The following EXT2 variants were observed in gnomAD, a reference collection of about 807,000 sequenced individuals.
EXT2 encodes exostosin glycosyltransferase 2.
A neutral mutation model predicts 81.6 loss-of-function variants in EXT2; 53 were observed. That is an observed-to-expected ratio of 0.65 (90% confidence interval 0.52 to 0.82). The LOEUF is 0.82. Ranked by LOEUF, EXT2 falls within the 40% of genes least tolerant of loss-of-function variation. The probability of loss-of-function intolerance (pLI) is 0.00; values close to 1 mark genes in which losing one functional copy is unlikely to be tolerated. For synonymous variants in EXT2, 320 were observed against 340.0 expected (o/e 0.94, Z 0.65); for missense variants, 774 against 910.2 (o/e 0.85, Z 1.93).
chr11:44,188,096 T>C (rs964120835), intron 8 of EXT2, among the ~76,000 whole-genome samples: 3 of 152,192 alleles, frequency 2.0e-5, no homozygotes, highest in African/African-American at 7.2e-5. Context: ...AACTAAAATA[T>C]TGAATGAAGT....
Position 44,244,413 on chromosome 11 carries a change from C to T in EXT2, c.*126C>T. 3 of 994,868 alleles carry T rather than the reference C, an allele frequency of 3.0e-6. No homozygotes were observed. Among genetic ancestry groups the T allele is most frequent in the Non-Finnish European group, 4.7e-6 (3 of 640,336 alleles). 61.6% of individuals were successfully genotyped at this position (994,868 alleles called of 1,614,324 possible). A position where few individuals can be genotyped will look rare whatever the true frequency, so the allele number is the denominator to read the frequency against. ...GTTGACCTACTTGGATCTTGGCATG[C>T]ACCCACCTAACCCACTTTCTCAAGA... On this transcript the variant is annotated 3_prime_UTR_variant, in exon 14 of 14. Transcript: ENST00000533608.
At position 44,228,541 on chromosome 11, in the gene EXT2, C is replaced by T. The variant is rs144500237; in HGVS notation, c.1663-3812C>T. Among the ~76,000 whole-genome samples, 15 of 152,252 alleles carry T rather than the reference C, an allele frequency of 9.9e-5. No homozygotes were observed. In the East Asian group the frequency reaches 2.3e-3, roughly 24 times the overall value. On this transcript the variant is annotated intron_variant, in intron 10 of 13. Transcript: ENST00000533608. ...GGGCCCATCCCATTCTGTTTCACTC[C>T]GTTTTGATCCTGTAGTCAGCTGCAG...
At chr11:44,163,199 G>A (rs1333704879) in intron 7 of EXT2, among the ~76,000 whole-genome samples, 1 of 152,036 alleles carries the variant, frequency 6.6e-6, no homozygotes, top group African/African-American at 2.4e-5. Flanking sequence ...TTTTTCCCTC[G>A]AATTTTAAGT....
In EXT2 at chr11:44,108,174, T is replaced by C; in HGVS notation, c.462T>C (p.Val154=). ...TDDINRACLF[V]PSIDVLNQNT... is the part of the protein sequence containing the mutation. ...ACATCAACCGGGCCTGTCTGTTTGT[T>C]CCCTCCATCGATGTGCTTAACCAGA... The change falls in exon 2 of 14, where the codon GTT becomes GTC. Residue 154 remains valine, a synonymous_variant. Transcript: ENST00000533608. The C allele has an allele frequency of 1.2e-6, 2 of 1,613,950 alleles. No homozygotes were observed. The highest frequency in any genetic ancestry group is 1.7e-6 in the Non-Finnish European group (2 of 1,180,002).
At chr11:44,144,145 G>A (rs752396405) in intron 7 of EXT2, 35 of 961,382 alleles carry the variant, frequency 3.6e-5, no homozygotes, top group Non-Finnish European at 4.8e-5. Context: ...GGAAAATCTC[G>A]CCCCAGGCAG....
chr11:44,153,442 C>A (rs1477876444), intron 7 of EXT2, among the ~76,000 whole-genome samples: 3 of 152,004 alleles, frequency 2.0e-5, no homozygotes, highest in African/African-American at 4.8e-5. Context: ...TCTATATAAA[C>A]AATCATGTTA....
At chr11:44,216,360 CA>C (rs1296553277) in intron 10 of EXT2, among the ~76,000 whole-genome samples, 2 of 152,162 alleles carry the variant, frequency 1.3e-5, no homozygotes, top group Non-Finnish European at 2.9e-5. Flanking sequence ...GGAAAAGTAC[CA>C]AACTTCAATG....
intron 10 of EXT2, among the ~76,000 whole-genome samples, chr11:44,208,925 A>G (rs1955615256): frequency 6.6e-6 from 1 of 152,342 alleles, no homozygotes; most frequent in South Asian, 2.1e-4. Context: ...AGCCATCAGC[A>G]TATCTTTTGC....
At chr11:44,109,368 A>G (rs1808784931) in intron 3 of EXT2, 85 bp downstream of exon 3, 2 of 1,159,074 alleles carry the variant, frequency 1.7e-6, no homozygotes, top group Non-Finnish European at 2.6e-6. Context: ...TCTACCACAT[A>G]CTTTGTAATC....
rs1049957322 is a variant in EXT2, at chr11:44,097,428, G to C, written c.-31+1576G>C. ...CTTATATTTGGTTCCTCTGTTTTTCGGAATGGTTGGGTTAAGATCCAGTGT... is the reference window on the plus strand; with the variant it reads ...CTTATATTTGGTTCCTCTGTTTTTCCGAATGGTTGGGTTAAGATCCAGTGT... On this transcript the variant is annotated intron_variant, in intron 1 of 13. Coordinates refer to ENST00000533608, the MANE Select transcript of EXT2 (RefSeq NM_207122.2). Among the ~76,000 whole-genome samples, 3 of 152,128 alleles carry C rather than the reference G, an allele frequency of 2.0e-5. No homozygotes were observed. The East Asian group carries it at 5.8e-4, about 29-fold the overall frequency.
chr11:44,128,292 G>A (rs1954438900), intron 6 of EXT2, among the ~76,000 whole-genome samples: 1 of 152,088 alleles, frequency 6.6e-6, no homozygotes, highest in African/African-American at 2.4e-5. Context: ...TATGCACAGG[G>A]GACCATGGAA....
chr11:44,141,122 T>A (rs1565209561), intron 7 of EXT2, among the ~76,000 whole-genome samples: 4 of 152,194 alleles, frequency 2.6e-5, no homozygotes, highest in Admixed American at 2.6e-4. Flanking sequence ...GATGCTCAAG[T>A]CTCTGCTACA....
intron 13 of EXT2, 102 bp downstream of exon 13, chr11:44,236,477 G>A: frequency 9.5e-7 from 1 of 1,054,652 alleles, no homozygotes; most frequent in Non-Finnish European, 1.4e-6. Flanking sequence ...GACAGCAGCT[G>A]GTAGCCATAG....
intron 3 of EXT2, among the ~76,000 whole-genome samples, chr11:44,112,024 G>A (rs1954151667): frequency 6.6e-6 from 1 of 152,180 alleles, no homozygotes; most frequent in Non-Finnish European, 1.5e-5. Flanking sequence ...AAGGATGACC[G>A]ATAGAATCGG....
chr11:44,182,281 G>T lies in EXT2; in HGVS notation c.1305+10539G>T, dbSNP rs371793984. On this transcript the variant is annotated intron_variant, in intron 8 of 13. Transcript: ENST00000533608. ...TGAGGGGTGGGGTAACAGGGAGATG[G>T]TTGGCCTGTGAGTGCTAAGTTTAAG... Among the ~76,000 whole-genome samples the T allele has an allele frequency of 4.6e-5, 7 of 152,242 alleles. No homozygotes were observed. In the East Asian group the frequency reaches 9.6e-4, roughly 21 times the overall value.
chr11:44,152,149 T>C (rs1316225957), intron 7 of EXT2, among the ~76,000 whole-genome samples: 1 of 152,172 alleles, frequency 6.6e-6, no homozygotes, highest in Admixed American at 6.5e-5. Flanking sequence ...GCAAATGTTT[T>C]CTCCCAGCCT....
At chr11:44,142,194 GT>G (rs1396088981) in intron 7 of EXT2, among the ~76,000 whole-genome samples, 1 of 152,098 alleles carries the variant, frequency 6.6e-6, no homozygotes, top group Non-Finnish European at 1.5e-5. Flanking sequence ...CATATATTCT[GT>G]CTCCTTAAGC....
rs531865738 is a variant in EXT2, at chr11:44,224,406, GTTTATA to G, written c.1663-7938_1663-7933del. Among the ~76,000 whole-genome samples the G allele has an allele frequency of 4.3e-4, 66 of 151,846 alleles. 1 individual carries two copies. The South Asian group carries it at 0.013, about 30-fold the overall frequency. On this transcript the variant is annotated intron_variant, in intron 10 of 13. Transcript: ENST00000533608. ...ATGTGTACATATATTAGATATATGT[GTTTATA>G]TTTATATTGAATAATATTGAGGACA... is the stretch of plus-strand genomic sequence containing the variant.
chr11:44,221,029 G>A (rs1955775652), intron 10 of EXT2, among the ~76,000 whole-genome samples: 3 of 152,308 alleles, frequency 2.0e-5, no homozygotes, highest in South Asian at 2.1e-4. Context: ...TCCCCACTGA[G>A]CAAATTAAAA....
Sources: gnomAD v4.1 joint callset for allele counts (sites outside exome capture counted in the v4.1 genomes callset) on GRCh38, gnomAD v4.1.1 for gene constraint, MANE v1.5 for transcripts, NCBI Gene and HGNC (gene_info 2026-07-23, HGNC 2026-07-21) for gene names.